Variants in PTPRT observed in about 807,000 individuals in gnomAD.
The protein encoded by PTPRT is receptor-type tyrosine-protein phosphatase T.
In PTPRT, 56 loss-of-function variants were observed where a neutral mutation model predicts 176.8. The ratio of observed to expected loss-of-function variants is 0.32; its 90% CI spans 0.26 to 0.40. The LOEUF (loss-of-function observed/expected upper bound fraction) is 0.40, where lower values mean the gene tolerates loss of function less well. Ranked by LOEUF, PTPRT falls within the 10% of genes least tolerant of loss-of-function variation. The pLI is 1.00. For missense variants in PTPRT, 1,540 were observed against 1,908.2 expected (o/e 0.81, Z 3.60); for synonymous variants, 783 against 739.0 (o/e 1.06, Z -0.96).
chr20:42,809,300 C>T (rs148055661), intron 2 of PTPRT, among the ~76,000 whole-genome samples: 266 of 152,212 alleles, frequency 1.7e-3, no homozygotes, highest in African/African-American at 6.2e-3. Context: ...AAGGGACACA[C>T]AGCCCTGTCC....
chr20:42,252,173 G>A (rs554520600), intron 13 of PTPRT, among the ~76,000 whole-genome samples: 1 of 152,326 alleles, frequency 6.6e-6, no homozygotes, highest in African/African-American at 2.4e-5. Flanking sequence ...GCACGATAGG[G>A]TGGATGGTGG....
intron 7 of PTPRT, among the ~76,000 whole-genome samples, chr20:42,652,435 G>A (rs760397401): frequency 8.5e-5 from 13 of 152,266 alleles, no homozygotes; most frequent in South Asian, 2.1e-4. Flanking sequence ...GATGGTGCAC[G>A]AAGCAGGGTG....
chr20:42,255,045 A>T (rs950395574), intron 13 of PTPRT, among the ~76,000 whole-genome samples: 5 of 152,126 alleles, frequency 3.3e-5, no homozygotes, highest in African/African-American at 7.2e-5. Context: ...AGGCAGGGGA[A>T]TGTGTCATCA....
intron 16 of PTPRT, among the ~76,000 whole-genome samples, chr20:42,193,044 G>A (rs772768804): frequency 6.6e-6 from 1 of 152,208 alleles, no homozygotes; most frequent in Non-Finnish European, 1.5e-5. Flanking sequence ...TAGAGAGACC[G>A]CTAAAGGTCA....
intron 6 of PTPRT, among the ~76,000 whole-genome samples, chr20:42,749,373 G>A (rs1457272645): frequency 6.6e-6 from 1 of 152,230 alleles, no homozygotes; most frequent in East Asian, 1.9e-4. Context: ...GATGGGGCCA[G>A]TCGGAGAGGC....
At chr20:43,065,266 A>G (rs916627539) in intron 1 of PTPRT, among the ~76,000 whole-genome samples, 1 of 152,166 alleles carries the variant, frequency 6.6e-6, no homozygotes, top group African/African-American at 2.4e-5. Flanking sequence ...GGATCCTATA[A>G]TTCCACCAAA....
chr20:43,173,588 T>C (rs1170215907), intron 1 of PTPRT, among the ~76,000 whole-genome samples: 1 of 152,230 alleles, frequency 6.6e-6, no homozygotes, highest in Non-Finnish European at 1.5e-5. Flanking sequence ...CCAGAAGTGT[T>C]TTCCTAAACT....
chr20:42,113,516 A>G (rs759589725), intron 22 of PTPRT, among the ~76,000 whole-genome samples: 3 of 152,228 alleles, frequency 2.0e-5, no homozygotes, highest in Non-Finnish European at 4.4e-5. Context: ...GTTACCCCTC[A>G]GTGGATGGTC....
intron 7 of PTPRT, among the ~76,000 whole-genome samples, chr20:42,636,722 T>G (rs189117527): frequency 4.0e-5 from 6 of 150,600 alleles, no homozygotes; most frequent in Admixed American, 1.3e-4. Flanking sequence ...GAGGTGGAGG[T>G]TGCAGTGAGC....
intron 1 of PTPRT, among the ~76,000 whole-genome samples, chr20:42,892,498 A>G (rs1038743977): frequency 7.9e-5 from 12 of 152,206 alleles, no homozygotes; most frequent in Admixed American, 6.5e-5. Context: ...AAAAAAAAAA[A>G]AAAGAAAACT....
chr20:42,504,547 T>C (rs973079176), intron 7 of PTPRT, among the ~76,000 whole-genome samples: 9 of 152,156 alleles, frequency 5.9e-5, no homozygotes, highest in Admixed American at 5.2e-4. Flanking sequence ...TTATCTGATA[T>C]TAATAATGTT....
At chr20:43,188,372 G>A (rs563634572) in intron 1 of PTPRT, among the ~76,000 whole-genome samples, 56 of 152,226 alleles carry the variant, frequency 3.7e-4, no homozygotes, top group Admixed American at 2.5e-3. Flanking sequence ...CACAGAAGTC[G>A]CCTATTCCGC....
At chr20:43,167,297 T>C (rs376328169) in intron 1 of PTPRT, among the ~76,000 whole-genome samples, 3 of 152,184 alleles carry the variant, frequency 2.0e-5, no homozygotes, top group South Asian at 2.1e-4. Context: ...ACTTAATAAA[T>C]TAACCAAGGT....
chr20:42,914,185 C>T (rs910851816), intron 1 of PTPRT, among the ~76,000 whole-genome samples: 1 of 152,106 alleles, frequency 6.6e-6, no homozygotes, highest in African/African-American at 2.4e-5. Flanking sequence ...GTGGATCAGC[C>T]CTAGGTGATC....
chr20:42,966,728 A>C (rs1264585136), intron 1 of PTPRT, among the ~76,000 whole-genome samples: 1 of 152,176 alleles, frequency 6.6e-6, no homozygotes, highest in Non-Finnish European at 1.5e-5. Flanking sequence ...GGGCACAAAC[A>C]AGGAGGAAAA....
chr20:42,118,529 A>G (rs1987412971), intron 20 of PTPRT, 29 bp from the exon 21 acceptor site: 2 of 1,574,276 alleles, frequency 1.3e-6, no homozygotes, highest in Non-Finnish European at 1.7e-6. Flanking sequence ...GTGAGGTTAG[A>G]GAATGCAAGT....
intron 17 of PTPRT, among the ~76,000 whole-genome samples, chr20:42,153,352 T>C (rs1465825929): frequency 6.6e-6 from 1 of 152,132 alleles, no homozygotes; most frequent in Non-Finnish European, 1.5e-5. Flanking sequence ...AGTCAAACAT[T>C]TCACAGATGA....
At chr20:42,561,934 GTACCTCCATCCGATTGGT>G (rs1393753783) in intron 7 of PTPRT, among the ~76,000 whole-genome samples, 1 of 152,152 alleles carries the variant, frequency 6.6e-6, no homozygotes, top group Non-Finnish European at 1.5e-5. Flanking sequence ...AGAGCTAGCT[GTACCTCCATCCGATTGGT>G]GATGGAGGAA....
chr20:42,949,370 G>A (rs940116394), intron 1 of PTPRT, among the ~76,000 whole-genome samples: 1 of 152,204 alleles, frequency 6.6e-6, no homozygotes, highest in Non-Finnish European at 1.5e-5. Flanking sequence ...TGGCCATGAT[G>A]GAAGGAAGCC....
Sources: allele counts gnomAD v4.1 joint callset (sites outside exome capture counted in the v4.1 genomes callset), GRCh38; gene constraint gnomAD v4.1.1; transcripts MANE v1.5; gene names NCBI Gene and HGNC (gene_info 2026-07-23, HGNC 2026-07-21).